The following ARMCX4 variants were observed in gnomAD, a reference collection of about 807,000 sequenced individuals.
ARMCX4 encodes armadillo repeat containing X-linked 4.
Under a neutral mutation model 34.7 loss-of-function variants are expected in ARMCX4, and 3 were observed. That is an observed-to-expected ratio of 0.09 (90% CI 0.04 to 0.22). The LOEUF (loss-of-function observed/expected upper bound fraction) is 0.22. ARMCX4 is among the 10% of genes least tolerant of loss of function. The pLI, the probability that ARMCX4 is intolerant of heterozygous loss-of-function variation, is 1.00. For missense variants in ARMCX4, 1,448 were observed against 1,720.8 expected, an observed-to-expected ratio of 0.84 and a Z score of 2.81; for synonymous variants, 513 against 632.8, an observed-to-expected ratio of 0.81 and a Z score of 2.84.
chrX:101,466,784 G>A (rs1431168342), intron 4 of ARMCX4, among the ~76,000 whole-genome samples: 1 of 111,948 alleles, frequency 8.9e-6, no homozygotes, highest in East Asian at 2.8e-4. Flanking sequence ...TATCTTGATC[G>A]TGGTGGTAGT....
At chrX:101,469,074 C>G (rs1415603654) in intron 4 of ARMCX4, among the ~76,000 whole-genome samples, 11 of 111,850 alleles carry the variant, frequency 9.8e-5, no homozygotes, top group African/African-American at 2.9e-4. Context: ...AAGGTAATAT[C>G]TTTTGTGCCA....
intron 11 of ARMCX4, among the ~76,000 whole-genome samples, chrX:101,513,655 T>A (rs1234663789): frequency 8.9e-6 from 1 of 111,796 alleles, no homozygotes; most frequent in Non-Finnish European, 1.9e-5. Flanking sequence ...CAATTGGTTA[T>A]GTGGTCATAG....
At chrX:101,433,311 C>A (rs1243274650) in intron 2 of ARMCX4, among the ~76,000 whole-genome samples, 1 of 100,836 alleles carries the variant, frequency 9.9e-6, no homozygotes, top group Non-Finnish European at 2.0e-5. Context: ...CCTATATGTA[C>A]ATATATACTT....
exon 4 of ARMCX4, chrX:101,446,103 T>G (rs1555997974): frequency 8.9e-6 from 1 of 112,070 alleles, no homozygotes; most frequent in Admixed American, 9.5e-5. Context: ...TGTTTCTAAT[T>G]TAGTATTTCT....
At chrX:101,439,999 G>C (rs1369201689) in intron 2 of ARMCX4, among the ~76,000 whole-genome samples, 1 of 112,086 alleles carries the variant, frequency 8.9e-6, no homozygotes, top group Non-Finnish European at 1.9e-5. Context: ...TCTCCATCCA[G>C]CTTTGTTCCA....
chrX:101,468,333 C>T (rs1455151991), intron 4 of ARMCX4, among the ~76,000 whole-genome samples: 1 of 110,020 alleles, frequency 9.1e-6, no homozygotes, highest in East Asian at 2.8e-4. Context: ...TTCTGTCGCC[C>T]AGGCTGGAGT....
At chrX:101,432,517 C>T (rs1248536423) in intron 2 of ARMCX4, among the ~76,000 whole-genome samples, 1 of 109,311 alleles carries the variant, frequency 9.1e-6, no homozygotes, top group Non-Finnish European at 1.9e-5. Context: ...AGAAATTAGC[C>T]AGGTGTGGTA....
intron 7 of ARMCX4, among the ~76,000 whole-genome samples, chrX:101,504,090 T>C (rs1444100447): frequency 8.9e-6 from 1 of 111,864 alleles, no homozygotes; most frequent in East Asian, 2.8e-4. Flanking sequence ...AAAGATCAGA[T>C]GGTTGTAGAT....
chrX:101,511,302 G>A (rs1834729917), intron 11 of ARMCX4, among the ~76,000 whole-genome samples: 1 of 110,335 alleles, frequency 9.1e-6, no homozygotes, highest in Admixed American at 9.6e-5. Context: ...CTACATTTGG[G>A]GATTTTTTCC....
intron 11 of ARMCX4, among the ~76,000 whole-genome samples, chrX:101,521,734 TCA>T (rs1934858283): frequency 9.0e-6 from 1 of 111,387 alleles, no homozygotes; most frequent in Non-Finnish European, 1.9e-5. Context: ...TTGTTTTCAT[TCA>T]GCTCAAAATA....
chrX:101,506,433 A>G (rs1934452413), intron 8 of ARMCX4, among the ~76,000 whole-genome samples: 1 of 111,219 alleles, frequency 9.0e-6, no homozygotes, highest in African/African-American at 3.3e-5. Flanking sequence ...CAAAATGCCA[A>G]AAGTTTCTGG....
At chrX:101,434,958 G>C (rs1930611465) in intron 2 of ARMCX4, among the ~76,000 whole-genome samples, 1 of 110,916 alleles carries the variant, frequency 9.0e-6, no homozygotes, top group African/African-American at 3.3e-5. Flanking sequence ...CCCTACAAAG[G>C]ATATGAACTC....
chrX:101,452,306 C>T (rs192626989), downstream of ARMCX4, among the ~76,000 whole-genome samples: 272 of 111,538 alleles, frequency 2.4e-3, no homozygotes, highest in African/African-American at 8.5e-3. Flanking sequence ...GTTATAAATA[C>T]GTGCTACATG....
downstream of ARMCX4, among the ~76,000 whole-genome samples, chrX:101,496,032 G>T (rs1934169227): frequency 9.0e-6 from 1 of 110,867 alleles, no homozygotes; most frequent in Non-Finnish European, 1.9e-5. Context: ...GATCAGAAGG[G>T]CACTCAAGAT....
intron 7 of ARMCX4, among the ~76,000 whole-genome samples, chrX:101,504,765 C>T (rs782581032): frequency 1.8e-5 from 2 of 111,203 alleles, no homozygotes; most frequent in Non-Finnish European, 3.8e-5. Flanking sequence ...TATAACACCA[C>T]TTTTCAAAGG....
intron 7 of ARMCX4, among the ~76,000 whole-genome samples, chrX:101,502,892 G>A (rs57683128): frequency 0.068 from 6,949 of 101,903 alleles, 321 homozygotes; most frequent in African/African-American, 0.15. Context: ...CCATTAACTC[G>A]TCATTTAACA....
At chrX:101,447,603 G>A, downstream of ARMCX4, 1 of 111,932 alleles carries the variant, frequency 8.9e-6, no homozygotes, top group Non-Finnish European at 1.9e-5. Context: ...AAGGCTGTCT[G>A]GGAGCTCGGC....
intron 4 of ARMCX4, among the ~76,000 whole-genome samples, chrX:101,458,233 T>C (rs1932412557): frequency 9.0e-6 from 1 of 111,451 alleles, no homozygotes; most frequent in Non-Finnish European, 1.9e-5. Flanking sequence ...TTATTTTTAA[T>C]GATGCTCAAA....
intron 2 of ARMCX4, among the ~76,000 whole-genome samples, chrX:101,427,384 A>AT (rs202044548): frequency 0.029 from 3,038 of 105,189 alleles, 119 homozygotes; most frequent in African/African-American, 0.099. Flanking sequence ...TCTCTCTCTC[A>AT]TTTTTTTTTT....
Sources: gnomAD v4.1 joint callset for allele counts (sites outside exome capture counted in the v4.1 genomes callset) on GRCh38, gnomAD v4.1.1 for gene constraint, MANE v1.5 for transcripts, NCBI Gene and HGNC (gene_info 2026-07-23, HGNC 2026-07-21) for gene names.